Variants in TAFA2 observed in about 807,000 individuals in gnomAD.
TAFA2 encodes TAFA chemokine like family member 2, also known as chemokine-like protein TAFA-2.
TAFA2 carries 7 observed loss-of-function variants against 18.8 expected under a neutral mutation model. The observed-to-expected ratio is 0.37, with a 90% CI of 0.21 to 0.70. The LOEUF is 0.70. Ranked by LOEUF, TAFA2 falls within the 30% of genes least tolerant of loss-of-function variation. The pLI, the probability that TAFA2 is intolerant of heterozygous loss-of-function variation, is 0.53. For synonymous variants in TAFA2, 60 were observed against 54.2 expected (o/e 1.11, Z -0.47); for missense variants, 122 against 158.1 (o/e 0.77, Z 1.23).
chr12:61,711,523 G>A (rs532076581), intron 4 of TAFA2, among the ~76,000 whole-genome samples: 4 of 152,062 alleles, frequency 2.6e-5, no homozygotes, highest in South Asian at 2.1e-4. Context: ...ATTGTTACTT[G>A]TCCTTTGAAA....
At chr12:62,148,332 G>C (rs1451575965) in intron 1 of TAFA2, among the ~76,000 whole-genome samples, 1 of 152,062 alleles carries the variant, frequency 6.6e-6, no homozygotes, top group Non-Finnish European at 1.5e-5. Flanking sequence ...AAGAAAATGT[G>C]GCATATATAC....
At chr12:61,901,594 C>G (rs572631961) in intron 1 of TAFA2, among the ~76,000 whole-genome samples, 2 of 151,404 alleles carry the variant, frequency 1.3e-5, no homozygotes, top group South Asian at 4.2e-4. Flanking sequence ...ATATCTGGAA[C>G]AAAAACTTAT....
rs545723876 is a variant in TAFA2, at chr12:62,105,552, A to G, written c.-2+85707T>C. On this transcript the variant is annotated intron_variant, in intron 1 of 4. Transcript: ENST00000416284. ...TCATCTAAATAATGCATGTTACTCT[A>G]CCAAATACAAAATGTATAACAGAGA... is the stretch of plus-strand genomic sequence containing the variant. 2.0e-5 allele frequency among the ~76,000 whole-genome samples: 3 copies of G among 152,316 alleles called. No individual in the cohort carries two copies. In the East Asian group the frequency reaches 5.8e-4, roughly 29 times the overall value.
rs572390153 is a variant in TAFA2, at chr12:62,044,756, T to C, written c.-2+146503A>G. Reference sequence around the variant, plus strand: ...CTCCATCTTTATCTTTCTGCCTTTTTAGGTACTGCTATCCAAATGCTGGTT... The same window carrying C: ...CTCCATCTTTATCTTTCTGCCTTTTCAGGTACTGCTATCCAAATGCTGGTT... On this transcript the variant is annotated intron_variant, in intron 1 of 4. Coordinates refer to ENST00000416284, the MANE Select transcript of TAFA2 (RefSeq NM_178539.5). Among the ~76,000 whole-genome samples, 10 of 152,288 alleles carry C rather than the reference T, an allele frequency of 6.6e-5. No individual in the cohort carries two copies. The East Asian group carries it at 1.9e-3, about 29-fold the overall frequency.
At chr12:62,111,423 A>G (rs183949572) in intron 1 of TAFA2, among the ~76,000 whole-genome samples, 17 of 152,284 alleles carry the variant, frequency 1.1e-4, no homozygotes, top group Non-Finnish European at 2.1e-4. Flanking sequence ...GGTCAATTTT[A>G]GAACAAATAC....
chr12:62,150,995 C>CAA (rs111883560), intron 1 of TAFA2, among the ~76,000 whole-genome samples: 23 of 122,138 alleles, frequency 1.9e-4, no homozygotes, highest in African/African-American at 5.8e-4. Context: ...AAGGCCTTGT[C>CAA]AAAAAAAAAA....
chr12:62,012,263 A>AG (rs1880795816), intron 1 of TAFA2, among the ~76,000 whole-genome samples: 3 of 151,948 alleles, frequency 2.0e-5, no homozygotes, highest in African/African-American at 7.3e-5. Flanking sequence ...ACTTTAATAA[A>AG]TCTGTTTTTT....
At chr12:61,800,123 A>C (rs1871345209) in intron 2 of TAFA2, among the ~76,000 whole-genome samples, 1 of 152,240 alleles carries the variant, frequency 6.6e-6, no homozygotes, top group African/African-American at 2.4e-5. Context: ...AAAATATTTG[A>C]AGTAATAAAA....
At chr12:61,851,187 G>C (rs1410491621) in intron 2 of TAFA2, among the ~76,000 whole-genome samples, 1 of 152,148 alleles carries the variant, frequency 6.6e-6, no homozygotes, top group East Asian at 1.9e-4. Context: ...ATTGTGATGA[G>C]ATGTAAAGAG....
At chr12:61,965,454 G>A (rs544679903) in intron 1 of TAFA2, among the ~76,000 whole-genome samples, 67 of 151,988 alleles carry the variant, frequency 4.4e-4, no homozygotes, top group Admixed American at 2.2e-3. Context: ...AGCAGAGCAC[G>A]GAATATTTGG....
chr12:62,087,738 G>T (rs1276828988), intron 1 of TAFA2, among the ~76,000 whole-genome samples: 2 of 152,072 alleles, frequency 1.3e-5, no homozygotes, highest in Non-Finnish European at 2.9e-5. Flanking sequence ...GATCTAATTT[G>T]TTTGTAAAAG....
chr12:61,740,480 A>C (rs1868396233), intron 4 of TAFA2, among the ~76,000 whole-genome samples: 2 of 139,538 alleles, frequency 1.4e-5, no homozygotes, highest in African/African-American at 6.2e-5. Context: ...TTAAAGTCTA[A>C]AAAAAAAAAG....
At chr12:62,135,129 A>G (rs1357874715) in intron 1 of TAFA2, among the ~76,000 whole-genome samples, 1 of 152,084 alleles carries the variant, frequency 6.6e-6, no homozygotes, top group Non-Finnish European at 1.5e-5. Context: ...GGTAAGCTCT[A>G]TGGAGTCAAG....
At chr12:61,964,307 A>G (rs551512450) in intron 1 of TAFA2, among the ~76,000 whole-genome samples, 2 of 152,044 alleles carry the variant, frequency 1.3e-5, no homozygotes, top group Non-Finnish European at 2.9e-5. Context: ...TTAGAAAATT[A>G]CATCACTCCT....
At chr12:62,119,488 A>G (rs2136877239) in intron 1 of TAFA2, among the ~76,000 whole-genome samples, 1 of 152,260 alleles carries the variant, frequency 6.6e-6, no homozygotes, top group African/African-American at 2.4e-5. Context: ...ACCATACACA[A>G]AAGTAACCAC....
At chr12:61,794,626 T>C (rs558248056) in intron 2 of TAFA2, among the ~76,000 whole-genome samples, 1 of 151,964 alleles carries the variant, frequency 6.6e-6, no homozygotes, top group Admixed American at 6.6e-5. Context: ...TAATCCTAAC[T>C]GACACCAAAA....
chr12:61,852,347 G>A (rs1387786589), intron 2 of TAFA2, among the ~76,000 whole-genome samples: 4 of 152,186 alleles, frequency 2.6e-5, no homozygotes, highest in Non-Finnish European at 5.9e-5. Context: ...AAAGGTGTCA[G>A]AGATGATCCC....
chr12:62,231,431 A>C (rs1379224011), intron 1 of TAFA2, among the ~76,000 whole-genome samples: 1 of 152,150 alleles, frequency 6.6e-6, no homozygotes, highest in Admixed American at 6.5e-5. Flanking sequence ...ATTTGTGTGA[A>C]ATATCTTTTT....
At chr12:61,853,787 T>A (rs1468096928) in intron 2 of TAFA2, among the ~76,000 whole-genome samples, 1 of 152,150 alleles carries the variant, frequency 6.6e-6, no homozygotes, top group African/African-American at 2.4e-5. Flanking sequence ...CACAGAGTTA[T>A]CCTCTGAACT....
Sources: allele counts gnomAD v4.1 joint callset (sites outside exome capture counted in the v4.1 genomes callset), GRCh38; gene constraint gnomAD v4.1.1; transcripts MANE v1.5; gene names NCBI Gene and HGNC (gene_info 2026-07-23, HGNC 2026-07-21).